The following ZNF221 variants were observed in gnomAD, a reference collection of about 807,000 sequenced individuals.
The protein encoded by ZNF221 is zinc finger protein 221.
A neutral mutation model predicts 12.6 loss-of-function variants in ZNF221; 10 were observed. That is an observed-to-expected ratio of 0.79 (90% confidence interval 0.49 to 1.34). The LOEUF (loss-of-function observed/expected upper bound fraction) is 1.34, where lower values mean the gene tolerates loss of function less well. Among genes scored for constraint, ZNF221 ranks in the 40% most tolerant of loss-of-function variants. The pLI is 0.00. For synonymous variants in ZNF221, 232 were observed against 244.0 expected (o/e 0.95, Z 0.46); for missense variants, 661 against 721.4 (o/e 0.92, Z 0.96).
chr19:43,953,112 A>G (rs1225354851), intron 1 of ZNF221, among the ~76,000 whole-genome samples: 3 of 151,980 alleles, frequency 2.0e-5, no homozygotes, highest in South Asian at 2.1e-4. Flanking sequence ...GATTATAGGC[A>G]CACACCACCC....
At position 43,951,877 on chromosome 19, in the gene ZNF221, T is replaced by C. The variant is rs1974677630; in HGVS notation, c.-3+477T>C. ...TTTTTTTTTTTTTTTTTTTTTTTTT[T>C]TTTTTTTTTTTTTTGAGACGGAGTC... On this transcript the variant is annotated intron_variant, in intron 1 of 4. Coordinates refer to ENST00000587682, the MANE Select transcript of ZNF221 (RefSeq NM_001297588.2). Among the ~76,000 whole-genome samples, 2 of 65,008 alleles carry C rather than the reference T, an allele frequency of 3.1e-5. 1 individual carries two copies. The allele number at this position is 65,008 out of a possible 152,430, so 42.6% of individuals were successfully genotyped here. A position where few individuals can be genotyped will look rare whatever the true frequency, so the allele number is the denominator to read the frequency against.
rs146383464 is a variant in ZNF221, at chr19:43,966,245, A to C, written c.743A>C (p.His248Pro). 7 of 1,614,262 alleles carry C rather than the reference A, an allele frequency of 4.3e-6. No homozygotes were observed. The African/African-American group carries it at 9.3e-5, about 21-fold the overall frequency. ...CATCTGCAAACTCATCAGAGAGTCC[A>C]TACTGGAGAGAAACCATTCAAATGT... ...SSHLQTHQRV[H>P]TGEKPFKCGQ... The change falls in exon 5 of 5, where the codon CAT (histidine) becomes CCT (proline). Residue 248 changes from histidine (H) to proline (P), a missense_variant. By Grantham distance (77) the His-to-Pro change is moderately conservative (BLOSUM62 -2). Transcript: ENST00000587682.
At chr19:43,970,882 C>T (rs1246000608), downstream of ZNF221, among the ~76,000 whole-genome samples, 1 of 152,140 alleles carries the variant, frequency 6.6e-6, no homozygotes, top group Admixed American at 6.5e-5. Flanking sequence ...CCTAGCATGA[C>T]AGGCTAATAT....
chr19:43,962,586 G>A, intron 1 of ZNF221, 139 bp from the exon 2 acceptor site: 1 of 766,724 alleles, frequency 1.3e-6, no homozygotes, highest in Non-Finnish European at 2.3e-6. Flanking sequence ...AGGGCATTTT[G>A]CTTGTTTGCA....
downstream of ZNF221, among the ~76,000 whole-genome samples, chr19:43,971,371 A>G (rs1337586971): frequency 6.6e-6 from 1 of 152,224 alleles, no homozygotes; most frequent in African/African-American, 2.4e-5. Flanking sequence ...ATAACCAGCT[A>G]GCATCATGAT....
At chr19:43,969,627 G>T (rs950411433), downstream of ZNF221, among the ~76,000 whole-genome samples, 53 of 152,154 alleles carry the variant, frequency 3.5e-4, no homozygotes, top group Non-Finnish European at 5.9e-5. Flanking sequence ...GGGATTACAG[G>T]CATGAGCCAC....
intron 1 of ZNF221, among the ~76,000 whole-genome samples, chr19:43,959,602 T>A (rs74506955): frequency 0.021 from 3,145 of 152,192 alleles, 115 homozygotes; most frequent in African/African-American, 0.073. Flanking sequence ...TTAAAAGAAT[T>A]TGGGTCCTCC....
the ZNF221 span, among the ~76,000 whole-genome samples, chr19:43,978,933 GTTT>G: frequency 4.6e-3 from 649 of 141,894 alleles, 3 homozygotes; most frequent in African/African-American, 0.016. Context: ...GTGTGTGTGT[GTTT>G]TTTTTTTTTT....
chr19:43,956,635 CTCA>C (rs1475625414), intron 1 of ZNF221, among the ~76,000 whole-genome samples: 3 of 152,108 alleles, frequency 2.0e-5, no homozygotes, highest in Non-Finnish European at 4.4e-5. Context: ...AGTGGGGTTT[CTCA>C]TCATAATCTT....
downstream of ZNF221, among the ~76,000 whole-genome samples, chr19:43,968,694 T>C (rs1975030583): frequency 6.6e-6 from 1 of 152,188 alleles, no homozygotes; most frequent in Non-Finnish European, 1.5e-5. Flanking sequence ...GGTTCTCTCA[T>C]TGGGACTGAC....
chr19:43,966,781 T>A lies in ZNF221; in HGVS notation c.1279T>A (p.Cys427Ser), dbSNP rs1465462025. 3 of 1,614,198 alleles carry A rather than the reference T, an allele frequency of 1.9e-6. No homozygotes were observed. The highest frequency in any genetic ancestry group is 2.5e-6 in the Non-Finnish European group (3 of 1,180,044). Residue 427 changes from cysteine (C) to serine (S), a missense_variant, in exon 5 of 5, where the codon TGT (cysteine) becomes AGT (serine). Transcript: ENST00000587682. Reference protein sequence around the residue: ...SGQKSFKCEECGKGFYTNSRR... With the variant: ...SGQKSFKCEESGKGFYTNSRR... ...ACAAAAATCCTTCAAATGTGAAGAA[T>A]GTGGGAAGGGATTTTATACAAATTC...
In ZNF221 at chr19:43,965,388, T is replaced by C; in HGVS notation, c.301+63T>C. ...CTTCCATCTGTTTTACTTCTGTCCA[T>C]GCCTATTTCCATCACCCTGGTCTAA... On this transcript the variant is annotated intron_variant, in intron 4 of 4. Coordinates refer to ENST00000587682, the MANE Select transcript of ZNF221 (RefSeq NM_001297588.2). 5.6e-6 allele frequency: 8 copies of C among 1,427,660 alleles called. No homozygotes were observed. The South Asian group carries it at 1.1e-4, about 20-fold the overall frequency. 88.4% of individuals were successfully genotyped at this position (1,427,660 alleles called of 1,614,324 possible). A position where few individuals can be genotyped will look rare whatever the true frequency, so the allele number is the denominator to read the frequency against.
chr19:43,963,146 T>G (rs938207318), intron 2 of ZNF221, among the ~76,000 whole-genome samples: 21 of 152,228 alleles, frequency 1.4e-4, no homozygotes, highest in Admixed American at 5.2e-4. Flanking sequence ...AATTTTAAAT[T>G]GTGCTCGTTT....
chr19:43,968,953 C>T (rs546754509), downstream of ZNF221, among the ~76,000 whole-genome samples: 21 of 152,286 alleles, frequency 1.4e-4, no homozygotes, highest in Middle Eastern at 6.8e-3. Flanking sequence ...TTTGGCAGAG[C>T]GGCCTCTCAG....
chr19:43,956,745 A>T (rs1441459249), intron 1 of ZNF221, among the ~76,000 whole-genome samples: 1 of 152,232 alleles, frequency 6.6e-6, no homozygotes, highest in African/African-American at 2.4e-5. Flanking sequence ...GATCCACCAA[A>T]CTTTCAATAT....
At position 43,966,665 on chromosome 19, in the gene ZNF221, A is replaced by G. The variant is rs138314572; in HGVS notation, c.1163A>G (p.His388Arg). Residue 388 changes from histidine to arginine, a missense_variant, in exon 5 of 5, where the codon CAC (histidine) becomes CGC (arginine). His to Arg is a conservative substitution (Grantham distance 29). Coordinates refer to ENST00000587682, the MANE Select transcript of ZNF221 (RefSeq NM_001297588.2). The part of the protein sequence containing the change: ...RRDFCKHQMV[H>R]TGEKPYNCKE... ...GATTTTTGTAAGCATCAGATGGTCC[A>G]CACAGGAGAGAAACCATATAATTGT... 449 of 1,614,258 alleles carry G rather than the reference A, an allele frequency of 2.8e-4. 1 individual carries two copies. The African/African-American group carries it at 5.3e-3, about 19-fold the overall frequency.
At chr19:43,960,200 C>G (rs1468560741) in intron 1 of ZNF221, 1 of 152,132 alleles carries the variant, frequency 6.6e-6, no homozygotes, top group African/African-American at 2.4e-5. Context: ...TTTCTGGAAG[C>G]TTGAACTTAA....
At chr19:43,980,913 C>T in the ZNF221 span, among the ~76,000 whole-genome samples, 1 of 152,142 alleles carries the variant, frequency 6.6e-6, no homozygotes, top group Non-Finnish European at 1.5e-5. Flanking sequence ...GACCCTATGA[C>T]CCAGAAAAGC....
chr19:43,965,375 T>C, intron 4 of ZNF221, 50 bp downstream of exon 4: 2 of 1,516,756 alleles, frequency 1.3e-6, no homozygotes, highest in Non-Finnish European at 9.0e-7. Context: ...TCCATCTGTT[T>C]TACTTCTGTC....
Sources: allele counts gnomAD v4.1 joint callset (sites outside exome capture counted in the v4.1 genomes callset), GRCh38; gene constraint gnomAD v4.1.1; transcripts MANE v1.5; gene names NCBI Gene and HGNC (gene_info 2026-07-23, HGNC 2026-07-21).